Variants in IQGAP1 observed in about 807,000 individuals in gnomAD.
IQGAP1 encodes IQ motif containing GTPase activating protein 1, also known as ras GTPase-activating-like protein IQGAP1.
In IQGAP1, 66 loss-of-function variants were observed where a neutral mutation model predicts 215.6. That is an observed-to-expected ratio of 0.31 (90% confidence interval 0.25 to 0.38). The LOEUF (loss-of-function observed/expected upper bound fraction) is 0.38. IQGAP1 is among the 10% of genes least tolerant of loss of function. The pLI is 1.00. For missense variants in IQGAP1, 1,712 were observed against 1,997.1 expected, an observed-to-expected ratio of 0.86 and a Z score of 2.72; for synonymous variants, 772 against 728.7, an observed-to-expected ratio of 1.06 and a Z score of -0.96.
intron 18 of IQGAP1, among the ~76,000 whole-genome samples, chr15:90,469,456 C>G (rs1965875718): frequency 6.6e-6 from 1 of 152,222 alleles, no homozygotes; most frequent in South Asian, 2.1e-4. Context: ...GTTACAGTCT[C>G]TTACCCTTCC....
chr15:90,477,606 G>A, intron 25 of IQGAP1, 59 bp from the exon 26 acceptor site: 1 of 1,193,976 alleles, frequency 8.4e-7, no homozygotes, highest in Non-Finnish European at 1.2e-6. Flanking sequence ...TAAGCAGGAA[G>A]GATCTTTTAA....
In IQGAP1 at chr15:90,487,044, C is replaced by G. The variant is rs201241538; in HGVS notation, c.4115C>G (p.Pro1372Arg). The change falls in exon 32 of 38, where the codon CCT becomes CGT. Residue 1372 changes from proline to arginine, a missense_variant. Pro to Arg is a moderately radical substitution (Grantham distance 103). Around this residue, in one of 2 missense-constraint regions of IQGAP1, gnomAD observed 691 missense variants for 923.0 expected, o/e 0.75. Transcript: ENST00000268182. ...ACCCTGACCAACAAGTTCGACGTGC[C>G]TGGAGATGAGAATGCAGAAATGGAT... ...SLTLTNKFDV[P>R]GDENAEMDAR... The G allele has an allele frequency of 6.2e-7, 1 of 1,614,068 alleles. No homozygotes were observed. Among genetic ancestry groups the G allele is most frequent in the African/African-American group, 1.3e-5 (1 of 75,006 alleles).
At chr15:90,471,432 G>C (rs907996303) in intron 18 of IQGAP1, among the ~76,000 whole-genome samples, 1 of 151,422 alleles carries the variant, frequency 6.6e-6, no homozygotes, top group Non-Finnish European at 1.5e-5. Context: ...TTTCTCTCAA[G>C]GAGCTTTCTC....
At chr15:90,391,536 G>A (rs1964635869) in intron 2 of IQGAP1, 1 of 152,318 alleles carries the variant, frequency 6.6e-6, no homozygotes, top group Admixed American at 6.5e-5. Context: ...CATGAATTTT[G>A]ATTTATATAT....
intron 23 of IQGAP1, among the ~76,000 whole-genome samples, chr15:90,475,044 G>T (rs1369718593): frequency 7.3e-6 from 1 of 136,824 alleles, no homozygotes; most frequent in Non-Finnish European, 1.5e-5. Context: ...TCGTCGCTCA[G>T]GCTGGAGTGC....
intron 4 of IQGAP1, 97 bp from the exon 5 acceptor site, chr15:90,433,622 A>C (rs1965331973): frequency 1.4e-6 from 1 of 711,670 alleles, no homozygotes; most frequent in African/African-American, 1.8e-5. Context: ...GATGTTTTCT[A>C]ACTGTCCATA....
rs1266443562 is a variant in IQGAP1, at chr15:90,473,941, G to C, written c.2479G>C (p.Asp827His). 1 of 1,613,910 alleles carries C rather than the reference G, an allele frequency of 6.2e-7. No individual in the cohort carries two copies. Among genetic ancestry groups the C allele is most frequent in the African/African-American group, 1.3e-5 (1 of 74,896 alleles). ...RMHQARKRYR[D>H]RLQYFRDHIN... ...GCACCAAGCTCGAAAGCGCTATCGA[G>C]ATCGCCTGCAGTACTTCCGGGACCA... is the stretch of plus-strand genomic sequence containing the variant. Residue 827 changes from aspartate to histidine, a missense_variant, in exon 21 of 38, where the codon GAT (aspartate) becomes CAT (histidine). This residue lies in a region of IQGAP1 where 1,021 missense variants were observed against 1,074.2 expected (regional missense o/e 0.95). Coordinates refer to ENST00000268182, the MANE Select transcript of IQGAP1 (RefSeq NM_003870.4).
chr15:90,463,840 G>T (rs565526977), intron 15 of IQGAP1, among the ~76,000 whole-genome samples: 5 of 152,134 alleles, frequency 3.3e-5, no homozygotes, highest in South Asian at 2.1e-4. Flanking sequence ...TTCAATTTCA[G>T]ATGCTTTCCT....
At chr15:90,405,202 T>C (rs1169503262) in intron 2 of IQGAP1, among the ~76,000 whole-genome samples, 1 of 152,210 alleles carries the variant, frequency 6.6e-6, no homozygotes, top group Non-Finnish European at 1.5e-5. Flanking sequence ...GAGGGTGTCT[T>C]GTGCTCTAGT....
Position 90,476,644 on chromosome 15 carries a change from T to C in IQGAP1, c.2785-19T>C. ...ATCTTTGAAAGCTTTCTGATCTATT[T>C]ATTGGTTTTTGTTTATAGGATGTGG... On this transcript the variant is annotated intron_variant, in intron 23 of 37. Transcript: ENST00000268182. 6.4e-7 allele frequency: 1 copy of C among 1,553,252 alleles called. No homozygotes were observed. Among genetic ancestry groups the C allele is most frequent in the Non-Finnish European group, 8.7e-7 (1 of 1,153,974 alleles).
rs901472105 is a variant in IQGAP1, at chr15:90,426,245, T to C, written c.291T>C (p.Asp97=). 1.1e-5 allele frequency: 17 copies of C among 1,599,710 alleles called. 1 individual carries two copies. The Middle Eastern group carries it at 5.0e-4, about 47-fold the overall frequency. Residue 97 remains aspartate, a synonymous_variant, in exon 3 of 38, where the codon GAT becomes GAC. Coordinates refer to ENST00000268182, the MANE Select transcript of IQGAP1 (RefSeq NM_003870.4). ...PKVVSLKKIY[D]REQTRYKATG... ...TAGTGTCCCTGAAAAAAATCTATGA[T>C]CGAGAACAGACCAGATACAAGGTGA...
At chr15:90,458,538 C>T (rs1200419242) in intron 15 of IQGAP1, among the ~76,000 whole-genome samples, 1 of 152,190 alleles carries the variant, frequency 6.6e-6, no homozygotes, top group African/African-American at 2.4e-5. Flanking sequence ...CACTAGCATA[C>T]ATAGAATCAT....
In IQGAP1 at chr15:90,453,165, G is replaced by A. The variant is rs534844505; in HGVS notation, c.1360G>A (p.Val454Met). 3 of 1,613,894 alleles carry A rather than the reference G, an allele frequency of 1.9e-6. No homozygotes were observed. Among genetic ancestry groups the A allele is most frequent in the East Asian group, 2.2e-5 (1 of 44,886 alleles). ...NLTHPELSVA[V>M]EMLSSVALIN... ...CACCCACCCAGAGCTCTCTGTCGCA[G>A]TGGAGATGTTGTCATCGGTGGCCCT... is the stretch of plus-strand genomic sequence containing the variant. Residue 454 changes from valine to methionine, a missense_variant, in exon 13 of 38, where the codon GTG becomes ATG. Val to Met is a conservative substitution (Grantham distance 21, BLOSUM62 1). This residue lies in a region of IQGAP1 where 1,021 missense variants were observed against 1,074.2 expected (regional missense o/e 0.95). Transcript: ENST00000268182.
At chr15:90,492,445 G>C (rs1247903109) in intron 34 of IQGAP1, 100 bp from the exon 35 acceptor site, 1 of 703,744 alleles carries the variant, frequency 1.4e-6, no homozygotes, top group Non-Finnish European at 2.1e-6. Flanking sequence ...AAAAAAAGTA[G>C]GTAGTCATAT....
chr15:90,417,444 GCACCATTTATTAAATAGGGAATCGTTT>G (rs1165241015), intron 2 of IQGAP1, among the ~76,000 whole-genome samples: 6 of 152,114 alleles, frequency 3.9e-5, no homozygotes, highest in African/African-American at 1.2e-4. Flanking sequence ...AGTTTTCCCA[GCACCATTTATTAAATAGGGAATCGTTT>G]CCCCATTTCT....
In IQGAP1 at chr15:90,433,782, A is replaced by G. The variant is rs1189430649; in HGVS notation, c.454A>G (p.Ile152Val). ...RKNMPRCIYC[I>V]HALSLYLFKL... ...GAACATGCCAAGATGTATCTACTGTATCCATGCACTCAGGTAGTCAAATTT... is the reference window on the plus strand; with the variant it reads ...GAACATGCCAAGATGTATCTACTGTGTCCATGCACTCAGGTAGTCAAATTT... The change falls in exon 5 of 38, where the codon ATC (isoleucine) becomes GTC (valine). Residue 152 changes from isoleucine to valine, a missense_variant. Around this residue, in one of 2 missense-constraint regions of IQGAP1, gnomAD observed 1,021 missense variants for 1,074.2 expected, o/e 0.95. Transcript: ENST00000268182. The G allele has an allele frequency of 6.3e-7, 1 of 1,598,370 alleles. No homozygotes were observed. The highest frequency in any genetic ancestry group is 8.6e-7 in the Non-Finnish European group (1 of 1,169,138).
intron 2 of IQGAP1, among the ~76,000 whole-genome samples, chr15:90,425,000 G>A (rs1234730226): frequency 6.6e-6 from 1 of 151,966 alleles, no homozygotes; most frequent in Non-Finnish European, 1.5e-5. Context: ...AGGATTCTGT[G>A]GCTCAGTGGT....
In IQGAP1 at chr15:90,501,585, T is replaced by C. The variant is rs1596298378; in HGVS notation, c.*1477T>C. 6.6e-6 allele frequency: 1 copy of C among 152,156 alleles called. No individual in the cohort carries two copies. The highest frequency in any genetic ancestry group is 1.9e-4 in the East Asian group (1 of 5,206). 9.4% of individuals were successfully genotyped at this position (152,156 alleles called of 1,614,324 possible). A position where few individuals can be genotyped will look rare whatever the true frequency, so the allele number is the denominator to read the frequency against. On this transcript the variant is annotated 3_prime_UTR_variant, in exon 38 of 38. Coordinates refer to ENST00000268182, the MANE Select transcript of IQGAP1 (RefSeq NM_003870.4). ...GTAGTGTGTCCCTATTATAAATGCA[T>C]TGGAGAAGTATTTTTATGAGACTCT...
chr15:90,431,386 A>C (rs1483525380), intron 4 of IQGAP1: 1 of 152,170 alleles, frequency 6.6e-6, no homozygotes, highest in African/African-American at 2.4e-5. Context: ...TGTGCTATAT[A>C]GTGTAAAATA....
Sources: gnomAD v4.1 joint callset for allele counts (sites outside exome capture counted in the v4.1 genomes callset) on GRCh38, gnomAD v4.1.1 for gene constraint, gnomAD v4.1.1 regional missense constraint, MANE v1.5 for transcripts, NCBI Gene and HGNC (gene_info 2026-07-23, HGNC 2026-07-21) for gene names.